NTRK3: variants seen among roughly 807,000 people sequenced by gnomAD.
NTRK3 encodes neurotrophic receptor tyrosine kinase 3.
NTRK3 carries 24 observed loss-of-function variants against 91.7 expected under a neutral mutation model. That is an observed-to-expected ratio of 0.26 (90% CI 0.19 to 0.37). The LOEUF (loss-of-function observed/expected upper bound fraction) is 0.37. Ranked by LOEUF, NTRK3 falls within the 10% of genes least tolerant of loss-of-function variation. The pLI is 1.00. For synonymous variants in NTRK3, 483 were observed against 404.0 expected (o/e 1.20, Z -2.34); for missense variants, 880 against 1,068.9 (o/e 0.82, Z 2.46).
intron 13 of NTRK3, among the ~76,000 whole-genome samples, chr15:88,105,548 T>C (rs548876727): frequency 1.2e-4 from 18 of 152,334 alleles, no homozygotes; most frequent in Admixed American, 2.0e-4. Flanking sequence ...TAGTACACGC[T>C]CCACTAGTTC....
At chr15:87,920,881 G>A (rs567623142) in intron 17 of NTRK3, among the ~76,000 whole-genome samples, 12 of 152,148 alleles carry the variant, frequency 7.9e-5, no homozygotes, top group Non-Finnish European at 1.6e-4. Flanking sequence ...AAGTAAGACT[G>A]GTTTGGTATC....
chr15:88,036,199 T>C (rs1256716836), intron 13 of NTRK3, among the ~76,000 whole-genome samples: 1 of 151,578 alleles, frequency 6.6e-6, no homozygotes, highest in African/African-American at 2.4e-5. Flanking sequence ...TACACGCACA[T>C]ACACACACAC....
At chr15:88,055,032 C>T (rs1463113345) in intron 13 of NTRK3, among the ~76,000 whole-genome samples, 4 of 152,144 alleles carry the variant, frequency 2.6e-5, no homozygotes, top group Non-Finnish European at 5.9e-5. Flanking sequence ...CAAACACTTC[C>T]CTGTGCTTTA....
intron 13 of NTRK3, among the ~76,000 whole-genome samples, chr15:88,068,643 A>G (rs2046855450): frequency 6.6e-6 from 1 of 152,180 alleles, no homozygotes; most frequent in Non-Finnish European, 1.5e-5. Flanking sequence ...AGGCCTGCCA[A>G]AAAGCAGCAA....
At chr15:87,915,350 G>A (rs1455092030) in intron 17 of NTRK3, among the ~76,000 whole-genome samples, 2 of 152,226 alleles carry the variant, frequency 1.3e-5, no homozygotes, top group South Asian at 2.1e-4. Context: ...CTGGGATGAT[G>A]AGGGACAGCA....
intron 14 of NTRK3, among the ~76,000 whole-genome samples, chr15:88,017,383 T>C (rs576499597): frequency 9.8e-5 from 15 of 152,338 alleles, no homozygotes; most frequent in Admixed American, 7.8e-4. Flanking sequence ...AAAAGGCTGA[T>C]TAGCTAAGCA....
chr15:88,163,819 A>T (rs2044685484), intron 5 of NTRK3, among the ~76,000 whole-genome samples: 1 of 152,224 alleles, frequency 6.6e-6, no homozygotes, highest in Admixed American at 6.5e-5. Flanking sequence ...CTGGAATTTC[A>T]TCAGGTCAGT....
intron 13 of NTRK3, among the ~76,000 whole-genome samples, chr15:88,034,149 G>A (rs1596852565): frequency 2.0e-5 from 3 of 152,122 alleles, no homozygotes; most frequent in Non-Finnish European, 2.9e-5. Flanking sequence ...TTGTTCACAG[G>A]GAGGTAAGTC....
chr15:88,044,951 G>A (rs530255070), intron 13 of NTRK3, among the ~76,000 whole-genome samples: 1 of 152,324 alleles, frequency 6.6e-6, no homozygotes, highest in African/African-American at 2.4e-5. Context: ...CGGGACCACA[G>A]GCCCTACCTT....
At chr15:88,027,475 C>T (rs1194432815) in intron 14 of NTRK3, among the ~76,000 whole-genome samples, 2 of 152,188 alleles carry the variant, frequency 1.3e-5, no homozygotes, top group Admixed American at 6.5e-5. Flanking sequence ...CTCCGCCTCT[C>T]GGGTTCATGA....
intron 13 of NTRK3, among the ~76,000 whole-genome samples, chr15:88,125,865 G>C (rs924574747): frequency 6.6e-6 from 1 of 152,190 alleles, no homozygotes; most frequent in African/African-American, 2.4e-5. Flanking sequence ...TTGCTGTGCT[G>C]ACGCCTTCCC....
At chr15:87,921,279 G>A (rs537827866) in intron 17 of NTRK3, among the ~76,000 whole-genome samples, 1 of 152,252 alleles carries the variant, frequency 6.6e-6, no homozygotes, top group African/African-American at 2.4e-5. Context: ...ACAGAGTCTG[G>A]TCACTGGACA....
intron 3 of NTRK3, among the ~76,000 whole-genome samples, chr15:88,245,773 A>G (rs915059567): frequency 6.6e-6 from 1 of 152,170 alleles, no homozygotes; most frequent in African/African-American, 2.4e-5. Flanking sequence ...CATATGAGAA[A>G]ACTGAGGATC....
intron 1 of NTRK3, 59 bp downstream of exon 1, chr15:88,256,585 A>G: frequency 2.1e-6 from 1 of 486,618 alleles, no homozygotes; most frequent in Non-Finnish European, 3.5e-6. Context: ...GGGCAGAATT[A>G]AAACGGACAC....
chr15:88,210,897 G>C (rs947167503), intron 3 of NTRK3, among the ~76,000 whole-genome samples: 1 of 152,082 alleles, frequency 6.6e-6, no homozygotes, highest in African/African-American at 2.4e-5. Flanking sequence ...AGCAGGGAGG[G>C]AAACACCCTG....
chr15:88,199,712 G>T (rs1036362094), intron 3 of NTRK3, among the ~76,000 whole-genome samples: 2 of 152,206 alleles, frequency 1.3e-5, no homozygotes, highest in Non-Finnish European at 2.9e-5. Context: ...TGGTGTCTGT[G>T]CCCTTAACTC....
At chr15:87,916,364 A>G (rs1287902338) in intron 17 of NTRK3, 3 of 522,122 alleles carry the variant, frequency 5.7e-6, no homozygotes, top group Non-Finnish European at 6.8e-6. Context: ...TCCTGTTATG[A>G]CACATCCGTA....
intron 5 of NTRK3, among the ~76,000 whole-genome samples, chr15:88,169,636 TACAC>T (rs1306221844): frequency 6.6e-6 from 1 of 152,198 alleles, no homozygotes; most frequent in Non-Finnish European, 1.5e-5. Flanking sequence ...AACCCTTTAG[TACAC>T]TGACTTTGGG....
chr15:88,006,831 G>A (rs73458487), intron 14 of NTRK3, among the ~76,000 whole-genome samples: 2,944 of 152,234 alleles, frequency 0.019, 88 homozygotes, highest in African/African-American at 0.067. Context: ...AGCCCATGAC[G>A]GCTAGTTTCC....
Sources: allele counts gnomAD v4.1 joint callset (sites outside exome capture counted in the v4.1 genomes callset), GRCh38; gene constraint gnomAD v4.1.1; transcripts MANE v1.5; gene names NCBI Gene and HGNC (gene_info 2026-07-23, HGNC 2026-07-21).